USP34: variants seen among roughly 807,000 people sequenced by gnomAD.
USP34 encodes the protein ubiquitin specific peptidase 34, also known as ubiquitin carboxyl-terminal hydrolase 34.
USP34 carries 70 observed loss-of-function variants against 460.3 expected under a neutral mutation model. The observed-to-expected ratio is 0.15, with a 90% CI of 0.13 to 0.19. The LOEUF is 0.19. Among genes scored for constraint, USP34 ranks in the 10% least tolerant of loss-of-function variants. USP34 has a pLI of 1.00. For missense variants in USP34, 3,985 were observed against 4,236.2 expected, an observed-to-expected ratio of 0.94 and a Z score of 1.65; for synonymous variants, 1,647 against 1,405.3, an observed-to-expected ratio of 1.17 and a Z score of -3.85.
intron 18 of USP34, among the ~76,000 whole-genome samples, chr2:61,338,790 C>A (rs907723542): frequency 6.6e-6 from 1 of 152,088 alleles, no homozygotes; most frequent in African/African-American, 2.4e-5. Context: ...AAACACTAAT[C>A]TGTTTAAAAA....
intron 32 of USP34, 34 bp downstream of exon 32, chr2:61,294,911 ATTTT>A: frequency 1.3e-6 from 2 of 1,525,512 alleles, no homozygotes; most frequent in Non-Finnish European, 1.8e-6. Flanking sequence ...AAGATAAATT[ATTTT>A]TATCAATACA....
intron 67 of USP34, among the ~76,000 whole-genome samples, chr2:61,219,514 T>C (rs1687496977): frequency 6.6e-6 from 1 of 152,004 alleles, no homozygotes; most frequent in Non-Finnish European, 1.5e-5. Context: ...CTACTAAAAA[T>C]ACAAAAATTA....
At chr2:61,433,500 G>C (rs1694733855) in intron 1 of USP34, among the ~76,000 whole-genome samples, 1 of 152,104 alleles carries the variant, frequency 6.6e-6, no homozygotes, top group Non-Finnish European at 1.5e-5. Context: ...CGGGCGTGGT[G>C]GTGGGTGCCT....
At chr2:61,429,907 TG>T (rs1402372204) in intron 1 of USP34, among the ~76,000 whole-genome samples, 1 of 151,976 alleles carries the variant, frequency 6.6e-6, no homozygotes, top group Non-Finnish European at 1.5e-5. Context: ...ACTAAAATTT[TG>T]TATTTGTAAA....
chr2:61,421,797 A>ACACACACACG (rs1553387593), intron 1 of USP34, among the ~76,000 whole-genome samples: 2 of 147,396 alleles, frequency 1.4e-5, no homozygotes, highest in South Asian at 2.2e-4. Context: ...ACACACACAC[A>ACACACACACG]CGCGCGCGCG....
intron 5 of USP34, among the ~76,000 whole-genome samples, chr2:61,386,569 T>C (rs1450925032): frequency 6.6e-6 from 1 of 151,956 alleles, no homozygotes; most frequent in Non-Finnish European, 1.5e-5. Context: ...GGCAGATGGA[T>C]CACAAGCTCA....
At chr2:61,284,374 G>C (rs559961483) in intron 35 of USP34, among the ~76,000 whole-genome samples, 22 of 152,250 alleles carry the variant, frequency 1.4e-4, no homozygotes, top group Middle Eastern at 3.4e-3. Flanking sequence ...AATGTATCAT[G>C]AGAGAAAGGC....
At chr2:61,227,379 C>T (rs182970045) in intron 61 of USP34, among the ~76,000 whole-genome samples, 161 bp from the exon 62 acceptor site, 1 of 152,224 alleles carries the variant, frequency 6.6e-6, no homozygotes, top group East Asian at 1.9e-4. Flanking sequence ...CTCTAAACCA[C>T]ATTCAGGACA....
At chr2:61,240,346 G>C (rs902703452) in intron 53 of USP34, among the ~76,000 whole-genome samples, 3 of 152,048 alleles carry the variant, frequency 2.0e-5, no homozygotes, top group African/African-American at 7.2e-5. Context: ...ATGGAGTGCA[G>C]TGGTGCGATC....
intron 39 of USP34, among the ~76,000 whole-genome samples, 191 bp from the exon 40 acceptor site, chr2:61,278,634 G>T (rs145406695): frequency 6.6e-6 from 1 of 152,004 alleles, no homozygotes; most frequent in East Asian, 1.9e-4. Flanking sequence ...AAACATCACT[G>T]ATCATTCTAC....
At chr2:61,456,886 G>A (rs1695456360) in intron 1 of USP34, among the ~76,000 whole-genome samples, 1 of 152,142 alleles carries the variant, frequency 6.6e-6, no homozygotes, top group South Asian at 2.1e-4. Flanking sequence ...GCTGAGGCAG[G>A]AGGATAGCTT....
At chr2:61,302,178 T>C (rs1690248012) in intron 27 of USP34, among the ~76,000 whole-genome samples, 1 of 152,176 alleles carries the variant, frequency 6.6e-6, no homozygotes, top group Admixed American at 6.5e-5. Context: ...AAATTAAATG[T>C]CTGATGAATA....
intron 5 of USP34, among the ~76,000 whole-genome samples, chr2:61,385,280 C>G (rs1693102157): frequency 6.6e-6 from 1 of 152,074 alleles, no homozygotes; most frequent in African/African-American, 2.4e-5. Flanking sequence ...TAATAGTTCT[C>G]CCGAAATTCA....
At chr2:61,459,878 G>A (rs1022615281) in intron 1 of USP34, among the ~76,000 whole-genome samples, 3 of 151,894 alleles carry the variant, frequency 2.0e-5, no homozygotes, top group South Asian at 2.1e-4. Flanking sequence ...TGATTAACAC[G>A]GTAAAACCCC....
Position 61,319,333 on chromosome 2 carries a change from T to G in USP34, c.3014-6A>C. The G allele has an allele frequency of 6.6e-7, 1 of 1,522,496 alleles. No individual in the cohort carries two copies. Among genetic ancestry groups the G allele is most frequent in the Middle Eastern group, 2.0e-4 (1 of 5,114 alleles). 94.3% of individuals were successfully genotyped at this position (1,522,496 alleles called of 1,614,324 possible). Reference sequence around the variant, plus strand: ...AACTTGCTCTAAACTTAACCCTAGATAAAAATTATAAATTTTATACTTTAT... The same window carrying G: ...AACTTGCTCTAAACTTAACCCTAGAGAAAAATTATAAATTTTATACTTTAT... On this transcript the variant is annotated splice_region_variant and splice_polypyrimidine_tract_variant and intron_variant, in intron 21 of 79. Transcript: ENST00000398571.
At chr2:61,446,216 CAGTG>C (rs1256637618) in intron 1 of USP34, among the ~76,000 whole-genome samples, 1 of 151,640 alleles carries the variant, frequency 6.6e-6, no homozygotes, top group Non-Finnish European at 1.5e-5. Flanking sequence ...CAAAAAACAC[CAGTG>C]AGACAAGTGG....
At chr2:61,430,730 A>T (rs1401546202) in intron 1 of USP34, among the ~76,000 whole-genome samples, 1 of 152,226 alleles carries the variant, frequency 6.6e-6, no homozygotes, top group Non-Finnish European at 1.5e-5. Flanking sequence ...AACTGAGAAT[A>T]TAAGGGAAAT....
Position 61,301,399 on chromosome 2 carries a change from A to T in USP34, c.3873T>A (p.Asp1291Glu). Residue 1291 changes from aspartate (D) to glutamate (E), a missense_variant, in exon 28 of 80, where the codon GAT becomes GAA. Around this residue, in one of 14 missense-constraint regions of USP34, gnomAD observed 1,114 missense variants for 1,122.5 expected, o/e 0.99. Transcript: ENST00000398571. ...GCTCATGAAGTGCTTTTTCATCATA[A>T]TCTGTTGTTAACTCGTGTCCAGATG... ...MISSGHELTT[D>E]YDEKALHELG... 6.2e-7 allele frequency: 1 copy of T among 1,614,040 alleles called. No homozygotes were observed. Among genetic ancestry groups the T allele is most frequent in the South Asian group, 1.1e-5 (1 of 91,058 alleles).
chr2:61,319,540 A>T lies in USP34; in HGVS notation c.3014-213T>A, dbSNP rs1282006439. 1.6e-4 allele frequency among the ~76,000 whole-genome samples: 5 copies of T among 32,082 alleles called. No homozygotes were observed. The East Asian group carries it at 7.3e-3, about 47-fold the overall frequency. 21.0% of individuals were successfully genotyped at this position (32,082 alleles called of 152,430 possible). The stretch of plus-strand genomic sequence containing the variant: ...TGTTCCTACAGCATATTTATGATTA[A>T]AAAAAAAAAAAAGAATCACAGCAGC... On this transcript the variant is annotated intron_variant, in intron 21 of 79. Transcript: ENST00000398571.
Sources: allele counts gnomAD v4.1 joint callset (sites outside exome capture counted in the v4.1 genomes callset), GRCh38; gene constraint gnomAD v4.1.1; regional missense constraint gnomAD v4.1.1; transcripts MANE v1.5; gene names NCBI Gene and HGNC (gene_info 2026-07-23, HGNC 2026-07-21).